MARCHF1: variants seen among roughly 807,000 people sequenced by gnomAD.
MARCHF1 encodes membrane associated ring-CH-type finger 1.
Under a neutral mutation model 54.2 loss-of-function variants are expected in MARCHF1, and 40 were observed. That is an observed-to-expected ratio of 0.74 (90% CI 0.57 to 0.96). MARCHF1 has a LOEUF of 0.96. MARCHF1 is among the 40% of genes least tolerant of loss of function. The pLI is 0.00. For missense variants in MARCHF1, 586 were observed against 656.5 expected (o/e 0.89, Z 1.17); for synonymous variants, 236 against 236.3 (o/e 1.00, Z 0.01).
At chr4:163,827,608 C>G (rs995254783) in intron 4 of MARCHF1, among the ~76,000 whole-genome samples, 2 of 152,114 alleles carry the variant, frequency 1.3e-5, no homozygotes, top group African/African-American at 4.8e-5. Flanking sequence ...TAGCCCAATG[C>G]CTGTCACATG....
At chr4:164,196,775 C>T (rs559675388) in intron 1 of MARCHF1, among the ~76,000 whole-genome samples, 99 of 152,060 alleles carry the variant, frequency 6.5e-4, no homozygotes, top group African/African-American at 2.2e-3. Context: ...TTTTATTTGG[C>T]AGTAAAAATA....
At chr4:164,177,806 G>GAGACACACACACACACACACACAC (rs148681185) in intron 1 of MARCHF1, among the ~76,000 whole-genome samples, 1 of 149,202 alleles carries the variant, frequency 6.7e-6, no homozygotes, top group East Asian at 2.0e-4. Flanking sequence ...GTATGAAAGA[G>GAGACACACACACACACACACACAC]ACACACACAC....
intron 9 of MARCHF1, among the ~76,000 whole-genome samples, chr4:163,533,615 CTCTT>C (rs914068211): frequency 3.3e-5 from 5 of 150,624 alleles, no homozygotes; most frequent in South Asian, 2.1e-4. Flanking sequence ...TGGGAACTCT[CTCTT>C]TACCTTCTTT....
At chr4:164,256,127 T>TA in intron 1 of MARCHF1, among the ~76,000 whole-genome samples, 1 of 150,910 alleles carries the variant, frequency 6.6e-6, no homozygotes, top group South Asian at 2.1e-4. Context: ...CCTACAAAAA[T>TA]AAAAAATAAA....
chr4:163,776,367 T>C (rs1419993005), intron 4 of MARCHF1, among the ~76,000 whole-genome samples: 16 of 150,840 alleles, frequency 1.1e-4, no homozygotes, highest in Admixed American at 1.1e-3. Context: ...TCTCTATATA[T>C]AATTTAATTT....
chr4:164,375,854 A>AT (rs1167166829), intron 1 of MARCHF1, among the ~76,000 whole-genome samples: 8 of 151,990 alleles, frequency 5.3e-5, no homozygotes. Flanking sequence ...CTGTTAGAAA[A>AT]TTTTTATCTT....
At chr4:164,258,648 T>G (rs17044831) in intron 1 of MARCHF1, among the ~76,000 whole-genome samples, 17,703 of 152,146 alleles carry the variant, frequency 0.12, 1,608 homozygotes, top group African/African-American at 0.25. Flanking sequence ...TCAAGGTTCA[T>G]GTTTTGATCA....
intron 1 of MARCHF1, among the ~76,000 whole-genome samples, chr4:164,340,567 C>A (rs113840886): frequency 2.2e-4 from 33 of 150,794 alleles, no homozygotes; most frequent in African/African-American, 7.3e-4. Context: ...GTAGCTGGGA[C>A]CGCCCCACAC....
Position 164,234,392 on chromosome 4 carries a change from T to G in MARCHF1, c.-322-122730A>C, listed in dbSNP as rs544797650. ...TCTACGATTTATTTTGCCAGAAAATTTAAACATTTTTAAAATAAGACATGG... is the reference window on the plus strand; with the variant it reads ...TCTACGATTTATTTTGCCAGAAAATGTAAACATTTTTAAAATAAGACATGG... On this transcript the variant is annotated intron_variant, in intron 1 of 9. Transcript: ENST00000514618. Among the ~76,000 whole-genome samples, 4 of 152,208 alleles carry G rather than the reference T, an allele frequency of 2.6e-5. No homozygotes were observed. The East Asian group carries it at 7.7e-4, about 29-fold the overall frequency.
intron 1 of MARCHF1, among the ~76,000 whole-genome samples, chr4:164,327,902 G>A (rs1735324706): frequency 6.6e-6 from 1 of 152,220 alleles, no homozygotes; most frequent in African/African-American, 2.4e-5. Context: ...AGTCCAGCAT[G>A]AGGTATGTCA....
At chr4:163,594,753 AACACAAACAC>A (rs1479298226) in intron 7 of MARCHF1, among the ~76,000 whole-genome samples, 23 of 141,908 alleles carry the variant, frequency 1.6e-4, no homozygotes, top group East Asian at 4.2e-4. Flanking sequence ...CTATTATCAA[AACACAAACAC>A]ACACACACAC....
intron 1 of MARCHF1, among the ~76,000 whole-genome samples, chr4:164,141,333 T>C (rs1043116904): frequency 2.4e-4 from 37 of 152,304 alleles, no homozygotes; most frequent in African/African-American, 8.7e-4. Context: ...AATGTTGACT[T>C]TTATTTGCTT....
chr4:163,798,660 G>A (rs1009789459), intron 4 of MARCHF1, among the ~76,000 whole-genome samples: 1 of 151,954 alleles, frequency 6.6e-6, no homozygotes, highest in Non-Finnish European at 1.5e-5. Flanking sequence ...TGAATGGAAA[G>A]AGAAAACAAA....
intron 2 of MARCHF1, among the ~76,000 whole-genome samples, chr4:164,026,027 G>A (rs1412259163): frequency 6.6e-6 from 1 of 151,896 alleles, no homozygotes; most frequent in Non-Finnish European, 1.5e-5. Context: ...CCAGGAAGAA[G>A]GTGAAAACCT....
intron 4 of MARCHF1, among the ~76,000 whole-genome samples, chr4:163,761,974 C>A (rs1746838890): frequency 6.6e-6 from 1 of 152,110 alleles, no homozygotes; most frequent in East Asian, 1.9e-4. Context: ...ATGTCATCAG[C>A]CTTTTCAGGC....
chr4:164,219,055 C>G (rs1018289119), intron 1 of MARCHF1, among the ~76,000 whole-genome samples: 1 of 151,880 alleles, frequency 6.6e-6, no homozygotes, highest in Admixed American at 6.6e-5. Context: ...AGTTCTTCCT[C>G]GAGAAATACA....
chr4:163,631,531 T>G (rs945279349), intron 5 of MARCHF1, among the ~76,000 whole-genome samples: 3 of 152,214 alleles, frequency 2.0e-5, no homozygotes, highest in African/African-American at 7.2e-5. Flanking sequence ...TCTATTGGTT[T>G]GAGTATTTCA....
chr4:163,953,909 A>C (rs1300272211), intron 3 of MARCHF1, among the ~76,000 whole-genome samples: 1 of 152,142 alleles, frequency 6.6e-6, no homozygotes, highest in African/African-American at 2.4e-5. Flanking sequence ...AGAACCTAAA[A>C]TATTTATTAT....
chr4:163,656,921 C>T (rs1743165899), intron 5 of MARCHF1, among the ~76,000 whole-genome samples: 2 of 151,508 alleles, frequency 1.3e-5, no homozygotes, highest in South Asian at 2.1e-4. Flanking sequence ...AATAATGAGA[C>T]ATTTATGGCA....
Sources: allele counts gnomAD v4.1 joint callset (sites outside exome capture counted in the v4.1 genomes callset), GRCh38; gene constraint gnomAD v4.1.1; transcripts MANE v1.5; gene names NCBI Gene and HGNC (gene_info 2026-07-23, HGNC 2026-07-21).